Variants in MALT1 observed in about 807,000 individuals in gnomAD.
MALT1 encodes the protein MALT1 paracaspase, also known as mucosa-associated lymphoid tissue lymphoma translocation protein 1.
In MALT1, 36 loss-of-function variants were observed where a neutral mutation model predicts 85.5. The observed-to-expected ratio is 0.42, with a 90% CI of 0.32 to 0.56. The LOEUF (loss-of-function observed/expected upper bound fraction) is 0.56. MALT1 is among the 20% of genes least tolerant of loss of function. The pLI is 0.10. For missense variants in MALT1, 716 were observed against 981.6 expected (o/e 0.73, Z 3.62); for synonymous variants, 359 against 361.3 (o/e 0.99, Z 0.07).
At chr18:58,684,997 C>T (rs1461127498) in intron 2 of MALT1, among the ~76,000 whole-genome samples, 2 of 152,062 alleles carry the variant, frequency 1.3e-5, no homozygotes, top group African/African-American at 2.4e-5. Context: ...ATCGTTTCCA[C>T]CTGCTGATAG....
Position 58,750,620 on chromosome 18 carries a change from C to T in MALT1, c.*2778C>T, listed in dbSNP as rs2055434218. The T allele has an allele frequency of 6.6e-6, 1 of 152,104 alleles. No homozygotes were observed. The highest frequency in any genetic ancestry group is 1.5e-5 in the Non-Finnish European group (1 of 68,010). 9.4% of individuals were successfully genotyped at this position (152,104 alleles called of 1,614,324 possible). On this transcript the variant is annotated 3_prime_UTR_variant, in exon 17 of 17. Transcript: ENST00000649217. ...TTGTTTTCAACAAGGATGCCAATAC[C>T]ATCAATAGAGAAGGAGTGGTCTTTT...
intron 10 of MALT1, among the ~76,000 whole-genome samples, chr18:58,728,511 G>A (rs552489204): frequency 1.4e-4 from 21 of 152,234 alleles, no homozygotes; most frequent in Admixed American, 2.6e-4. Context: ...AGGCTAAGGT[G>A]GGAGGATAGC....
At chr18:58,743,056 AAT>A (rs2055323362) in intron 14 of MALT1, among the ~76,000 whole-genome samples, 1 of 152,156 alleles carries the variant, frequency 6.6e-6, no homozygotes, top group Non-Finnish European at 1.5e-5. Flanking sequence ...ACTTCTATAA[AAT>A]ATCTTTATTT....
At chr18:58,732,296 TTTG>T (rs1371560104) in intron 10 of MALT1, among the ~76,000 whole-genome samples, 2 of 152,156 alleles carry the variant, frequency 1.3e-5, no homozygotes, top group Non-Finnish European at 2.9e-5. Flanking sequence ...GACTGATATT[TTTG>T]TTGTTTTTTA....
intron 10 of MALT1, 86 bp downstream of exon 10, chr18:58,723,337 A>AACTCTTC (rs2055010142): frequency 1.0e-6 from 1 of 952,486 alleles, no homozygotes; most frequent in Non-Finnish European, 1.6e-6. Context: ...AATCAGATAA[A>AACTCTTC]GATAAGGTAA....
chr18:58,679,045 G>A (rs144819259), intron 1 of MALT1, among the ~76,000 whole-genome samples: 2 of 152,292 alleles, frequency 1.3e-5, no homozygotes, highest in African/African-American at 2.4e-5. Context: ...TTTTTCTGTC[G>A]TTGATTGCTC....
rs1162166630 is a variant in MALT1, at chr18:58,727,453, G to T, written c.1222+4202G>T. Among the ~76,000 whole-genome samples, 5 of 152,188 alleles carry T rather than the reference G, an allele frequency of 3.3e-5. No homozygotes were observed. In the East Asian group the frequency reaches 9.7e-4, roughly 29 times the overall value. On this transcript the variant is annotated intron_variant, in intron 10 of 16. Transcript: ENST00000649217. ...AGAGTAGCTGGGATTACAGGCACAT[G>T]CCACCAACGCCTGGCTAATTTTTTG...
At chr18:58,705,391 G>A (rs1440842485) in intron 4 of MALT1, among the ~76,000 whole-genome samples, 1 of 150,672 alleles carries the variant, frequency 6.6e-6, no homozygotes, top group Non-Finnish European at 1.5e-5. Context: ...AGTTACATAT[G>A]TATACATGTG....
chr18:58,723,883 T>G (rs1164836048), intron 10 of MALT1, among the ~76,000 whole-genome samples: 4 of 152,220 alleles, frequency 2.6e-5, no homozygotes, highest in Non-Finnish European at 5.9e-5. Context: ...GTAAAGAATT[T>G]CAAAGGAGAC....
rs750239793 is a variant in MALT1, at chr18:58,747,551, A to G, written c.2184A>G (p.Gln728=). 10 of 1,614,056 alleles carry G rather than the reference A, an allele frequency of 6.2e-6. No homozygotes were observed. The African/African-American group carries it at 1.2e-4, about 19-fold the overall frequency. The change falls in exon 17 of 17, where the codon CAA becomes CAG. Residue 728 remains glutamine (Q), a synonymous_variant. Transcript: ENST00000649217. Reference sequence around the variant, plus strand: ...GTTTGGGAAGGAAGACTTGCTTTCAAACTTGTCTTATGTCTAATGGTCCTT... The same window carrying G: ...GTTTGGGAAGGAAGACTTGCTTTCAGACTTGTCTTATGTCTAATGGTCCTT... ...HRGLGRKTCF[Q]TCLMSNGPYQ... is the part of the protein sequence containing the mutation.
rs1394223205 is a variant in MALT1 at position 58,753,877 on chromosome 18, T to TA, written c.*6038dup. On this transcript the variant is annotated 3_prime_UTR_variant, in exon 17 of 17. Transcript: ENST00000649217. ...AGTGCTTATTCTGTTACAAAATTAG[T>TA]AAAGCTGATTCTGCCTCTAAATCTG... The TA allele has an allele frequency of 2.6e-5, 4 of 152,260 alleles. No homozygotes were observed. Among genetic ancestry groups the TA allele is most frequent in the African/African-American group, 4.8e-5 (2 of 41,478 alleles). 9.4% of individuals were successfully genotyped at this position (152,260 alleles called of 1,614,324 possible). A position where few individuals can be genotyped will look rare whatever the true frequency, so the allele number is the denominator to read the frequency against.
chr18:58,680,929 C>CAAAAA (rs1165265799), intron 1 of MALT1, among the ~76,000 whole-genome samples: 1 of 67,222 alleles, frequency 1.5e-5, no homozygotes, highest in Non-Finnish European at 2.5e-5. Flanking sequence ...GACTCCGTCT[C>CAAAAA]AAAAAAAAAA....
chr18:58,738,318 CTG>C (rs1449237438), intron 13 of MALT1, among the ~76,000 whole-genome samples: 6 of 152,216 alleles, frequency 3.9e-5, no homozygotes, highest in African/African-American at 1.4e-4. Context: ...TGTTGCATGA[CTG>C]TAGTTTTTAA....
intron 16 of MALT1, among the ~76,000 whole-genome samples, chr18:58,746,754 G>A (rs747482238): frequency 1.1e-4 from 17 of 150,706 alleles, no homozygotes; most frequent in Non-Finnish European, 2.4e-4. Flanking sequence ...TTGAGATGGT[G>A]TCTCTCTCTG....
chr18:58,703,563 A>T (rs2054704568), intron 4 of MALT1, among the ~76,000 whole-genome samples: 1 of 152,176 alleles, frequency 6.6e-6, no homozygotes, highest in Non-Finnish European at 1.5e-5. Flanking sequence ...AAAGCAAGGC[A>T]TGTCTTACAT....
intron 9 of MALT1, among the ~76,000 whole-genome samples, chr18:58,720,371 C>A (rs777023264): frequency 6.6e-6 from 1 of 152,166 alleles, no homozygotes; most frequent in Non-Finnish European, 1.5e-5. Context: ...GATCTTCCAT[C>A]CACCCCAGTT....
intron 2 of MALT1, among the ~76,000 whole-genome samples, chr18:58,689,945 G>A (rs186583383): frequency 2.6e-5 from 4 of 152,344 alleles, no homozygotes; most frequent in East Asian, 3.9e-4. Context: ...GGAGAAGAGC[G>A]GAGGGGCCAA....
At chr18:58,708,031 C>G (rs2054778975) in intron 4 of MALT1, among the ~76,000 whole-genome samples, 1 of 152,234 alleles carries the variant, frequency 6.6e-6, no homozygotes, top group Non-Finnish European at 1.5e-5. Flanking sequence ...CTTGTCTCTT[C>G]TATGTCTCAG....
chr18:58,731,166 T>A (rs2055143678), intron 10 of MALT1, among the ~76,000 whole-genome samples: 1 of 152,216 alleles, frequency 6.6e-6, no homozygotes, highest in Non-Finnish European at 1.5e-5. Flanking sequence ...TTGGCCAGGC[T>A]GGTCTTGAAC....
Sources: gnomAD v4.1 joint callset for allele counts (sites outside exome capture counted in the v4.1 genomes callset) on GRCh38, gnomAD v4.1.1 for gene constraint, MANE v1.5 for transcripts, NCBI Gene and HGNC (gene_info 2026-07-23, HGNC 2026-07-21) for gene names.